RYR2: variants seen among roughly 807,000 people sequenced by gnomAD.
The protein encoded by RYR2 is ryanodine receptor 2.
A neutral mutation model predicts 601.1 loss-of-function variants in RYR2; 227 were observed. That is an observed-to-expected ratio of 0.38 (90% CI 0.34 to 0.42). The LOEUF is 0.42. Among genes scored for constraint, RYR2 ranks in the 10% least tolerant of loss-of-function variants. The pLI is 1.00. For synonymous variants in RYR2, 2,223 were observed against 2,175.1 expected, an observed-to-expected ratio of 1.02 and a Z score of -0.61; for missense variants, 4,646 against 6,156.5, an observed-to-expected ratio of 0.75 and a Z score of 8.21.
chr1:237,689,629 T>G (rs974116287), intron 63 of RYR2, among the ~76,000 whole-genome samples: 3 of 152,182 alleles, frequency 2.0e-5, no homozygotes, highest in Non-Finnish European at 4.4e-5. Context: ...CCTTAGCCTT[T>G]TAATACTATT....
intron 40 of RYR2, among the ~76,000 whole-genome samples, chr1:237,626,375 T>C (rs1359807816): frequency 1.3e-5 from 2 of 151,982 alleles, no homozygotes; most frequent in Non-Finnish European, 2.9e-5. Flanking sequence ...GATGCAGCAA[T>C]GGTTTGTTAA....
At chr1:237,454,623 A>G (rs1178006600) in intron 15 of RYR2, 49 bp downstream of exon 15, 1 of 1,580,992 alleles carries the variant, frequency 6.3e-7, no homozygotes, top group East Asian at 2.3e-5. Flanking sequence ...TCTTGTAAAA[A>G]CAGCTTCTTG....
At chr1:237,312,177 A>G (rs1694643477) in intron 2 of RYR2, among the ~76,000 whole-genome samples, 1 of 152,198 alleles carries the variant, frequency 6.6e-6, no homozygotes, top group African/African-American at 2.4e-5. Context: ...GGGTGTTCAT[A>G]AAGAGAAATA....
At chr1:237,452,050 C>G (rs1658204488) in intron 14 of RYR2, among the ~76,000 whole-genome samples, 1 of 110,358 alleles carries the variant, frequency 9.1e-6, no homozygotes, top group African/African-American at 3.2e-5. Flanking sequence ...ATTCTTTTGG[C>G]CTGGGGTGGG....
intron 1 of RYR2, among the ~76,000 whole-genome samples, chr1:237,112,405 T>C (rs1669588678): frequency 6.6e-6 from 1 of 152,132 alleles, no homozygotes; most frequent in African/African-American, 2.4e-5. Context: ...TGAGCCACCG[T>C]GCCCGGCCCC....
chr1:237,423,026 G>A, intron 11 of RYR2, 66 bp from the exon 12 acceptor site: 1 of 1,541,006 alleles, frequency 6.5e-7, no homozygotes, highest in Admixed American at 2.1e-5. Context: ...TCCGACATAT[G>A]TTTTAATAGC....
intron 1 of RYR2, among the ~76,000 whole-genome samples, chr1:237,141,157 T>G (rs1673346697): frequency 6.6e-6 from 1 of 152,232 alleles, no homozygotes; most frequent in South Asian, 2.1e-4. Flanking sequence ...TTCTTTTTCT[T>G]GTCTGGCTGT....
At chr1:237,703,520 G>C (rs1283857228) in intron 66 of RYR2, among the ~76,000 whole-genome samples, 1 of 148,454 alleles carries the variant, frequency 6.7e-6, no homozygotes, top group Non-Finnish European at 1.5e-5. Context: ...TTAACCTCTT[G>C]CCTATTTCTC....
intron 3 of RYR2, among the ~76,000 whole-genome samples, chr1:237,351,854 C>CAAAAAAAAAAAA (rs33955032): frequency 1.2e-4 from 5 of 40,946 alleles, no homozygotes; most frequent in East Asian, 8.0e-4. Context: ...AAAGACCATG[C>CAAAAAAAAAAAA]AAAAAAAAAA....
chr1:237,085,640 A>T (rs1426993971), intron 1 of RYR2, among the ~76,000 whole-genome samples: 2 of 152,198 alleles, frequency 1.3e-5, no homozygotes, highest in Admixed American at 6.5e-5. Context: ...AGAGCATTTG[A>T]GGTGAACTGC....
chr1:237,045,849 A>G (rs12124723), intron 1 of RYR2, among the ~76,000 whole-genome samples: 32,445 of 126,108 alleles, frequency 0.26, 5,416 homozygotes, highest in Non-Finnish European at 0.37. Context: ...AAACCATGGT[A>G]TAAAATGACC....
chr1:237,716,622 C>T (rs141621578), intron 71 of RYR2, among the ~76,000 whole-genome samples: 16 of 152,188 alleles, frequency 1.1e-4, no homozygotes, highest in African/African-American at 3.4e-4. Context: ...TCCAGATCGT[C>T]CTGAATATTT....
chr1:237,153,410 G>C (rs1273671822), intron 1 of RYR2, among the ~76,000 whole-genome samples: 2 of 152,034 alleles, frequency 1.3e-5, no homozygotes, highest in African/African-American at 4.8e-5. Context: ...AAACTGTTCT[G>C]TGTGTGTGTG....
At chr1:237,262,739 C>T (rs1688663519) in intron 1 of RYR2, among the ~76,000 whole-genome samples, 1 of 152,054 alleles carries the variant, frequency 6.6e-6, no homozygotes, top group South Asian at 2.1e-4. Flanking sequence ...GAGATAACCA[C>T]AGGATAAGAT....
intron 44 of RYR2, among the ~76,000 whole-genome samples, chr1:237,635,342 C>A (rs1489457420): frequency 6.6e-5 from 10 of 152,254 alleles, no homozygotes; most frequent in Non-Finnish European, 1.0e-4. Flanking sequence ...CGTTCTGTAT[C>A]TGTATTCTTA....
At chr1:237,756,879 G>T (rs1420421955) in intron 81 of RYR2, among the ~76,000 whole-genome samples, 1 of 152,176 alleles carries the variant, frequency 6.6e-6, no homozygotes, top group Non-Finnish European at 1.5e-5. Context: ...ATTTTTTTAT[G>T]TAATTTATGG....
At chr1:237,210,213 C>A (rs1239073750) in intron 1 of RYR2, among the ~76,000 whole-genome samples, 1 of 143,584 alleles carries the variant, frequency 7.0e-6, no homozygotes, top group Non-Finnish European at 1.6e-5. Flanking sequence ...TATCAATAAA[C>A]TCTTTTTTAA....
At position 237,475,110 on chromosome 1, in the gene RYR2, G is replaced by C. The variant is rs368752315; in HGVS notation, c.1708+5923G>C. On this transcript the variant is annotated intron_variant, in intron 17 of 104. Coordinates refer to ENST00000366574, the MANE Select transcript of RYR2 (RefSeq NM_001035.3). ...ATAATTTAATTCTAACAACTCTATA[G>C]GTTAGGTAACATTATTGTCCTGTTT... Among the ~76,000 whole-genome samples the C allele has an allele frequency of 9.2e-5, 14 of 152,098 alleles. No individual in the cohort carries two copies. The East Asian group carries it at 2.3e-3, about 25-fold the overall frequency.
chr1:237,771,186 T>C (rs1183716179), intron 85 of RYR2, among the ~76,000 whole-genome samples: 3 of 152,050 alleles, frequency 2.0e-5, no homozygotes, highest in Non-Finnish European at 2.9e-5. Flanking sequence ...GGTGGGAGGA[T>C]TGCTTGAACC....
Sources: gnomAD v4.1 joint callset for allele counts (sites outside exome capture counted in the v4.1 genomes callset) on GRCh38, gnomAD v4.1.1 for gene constraint, MANE v1.5 for transcripts, NCBI Gene and HGNC (gene_info 2026-07-23, HGNC 2026-07-21) for gene names.